The following PHF21A variants were observed in gnomAD, a reference collection of about 807,000 sequenced individuals.
The protein encoded by PHF21A is BHC80a.
In PHF21A, 11 loss-of-function variants were observed where a neutral mutation model predicts 82.5. The observed-to-expected ratio is 0.13, with a 90% CI of 0.08 to 0.22. PHF21A has a LOEUF of 0.22. Ranked by LOEUF, PHF21A falls within the 10% of genes least tolerant of loss-of-function variation. PHF21A has a pLI of 1.00. For missense variants in PHF21A, 579 were observed against 837.8 expected (o/e 0.69, Z 3.81); for synonymous variants, 297 against 302.8 (o/e 0.98, Z 0.20).
At chr11:46,083,546 T>G (rs1167732904) in intron 4 of PHF21A, 6 of 152,334 alleles carry the variant, frequency 3.9e-5, no homozygotes, top group Admixed American at 3.3e-4. Flanking sequence ...CTTTATCACT[T>G]TTGAGTACCA....
At chr11:45,937,947 G>C (rs1323228150) in intron 16 of PHF21A, among the ~76,000 whole-genome samples, 1 of 152,200 alleles carries the variant, frequency 6.6e-6, no homozygotes, top group Admixed American at 6.5e-5. Flanking sequence ...CAAATACAAG[G>C]AAGCATCTAT....
intron 6 of PHF21A, among the ~76,000 whole-genome samples, chr11:46,007,221 A>C (rs748404837): frequency 4.6e-5 from 7 of 152,196 alleles, no homozygotes; most frequent in Non-Finnish European, 8.8e-5. Flanking sequence ...AGATGAGAAA[A>C]GGGCCCCCTG....
At chr11:46,045,438 G>C (rs1024857786) in intron 6 of PHF21A, among the ~76,000 whole-genome samples, 16 of 152,140 alleles carry the variant, frequency 1.1e-4, no homozygotes, top group African/African-American at 3.9e-4. Context: ...GAACAGAGAG[G>C]TTGTCTGATC....
intron 1 of PHF21A, among the ~76,000 whole-genome samples, chr11:46,101,457 TGTTA>T (rs1272523280): frequency 6.6e-6 from 1 of 152,214 alleles, no homozygotes; most frequent in Admixed American, 6.5e-5. Context: ...TGCTGGTAAT[TGTTA>T]GTTAGGGAAT....
At chr11:46,074,763 A>T (rs185928547) in intron 6 of PHF21A, among the ~76,000 whole-genome samples, 1 of 152,324 alleles carries the variant, frequency 6.6e-6, no homozygotes, top group Non-Finnish European at 1.5e-5. Flanking sequence ...TTGGCCTCCC[A>T]AAGTGCTGGG....
intron 6 of PHF21A, among the ~76,000 whole-genome samples, chr11:46,025,672 T>C (rs1224177420): frequency 6.6e-6 from 1 of 152,214 alleles, no homozygotes; most frequent in Non-Finnish European, 1.5e-5. Flanking sequence ...AAAATTCCTA[T>C]ATACCTTTCA....
chr11:46,072,643 T>A (rs554764382), intron 6 of PHF21A, among the ~76,000 whole-genome samples: 1 of 152,310 alleles, frequency 6.6e-6, no homozygotes, highest in South Asian at 2.1e-4. Flanking sequence ...GAAGGAAAAG[T>A]ATGGTTCAAT....
At chr11:45,989,382 C>T (rs909773418) in intron 6 of PHF21A, among the ~76,000 whole-genome samples, 8 of 150,454 alleles carry the variant, frequency 5.3e-5, no homozygotes, top group African/African-American at 1.5e-4. Flanking sequence ...GGGCCAGACG[C>T]GGTGGCTCAT....
chr11:45,987,262 G>GTATA (rs1363747847), intron 6 of PHF21A, among the ~76,000 whole-genome samples: 2 of 151,382 alleles, frequency 1.3e-5, no homozygotes, highest in Non-Finnish European at 2.9e-5. Context: ...ATGTATGTAT[G>GTATA]TATGTATGTA....
At chr11:46,042,770 C>T (rs2096177026) in intron 6 of PHF21A, among the ~76,000 whole-genome samples, 1 of 151,984 alleles carries the variant, frequency 6.6e-6, no homozygotes, top group Non-Finnish European at 1.5e-5. Flanking sequence ...TGTTTTTCCC[C>T]TTCTGCCATA....
intron 6 of PHF21A, among the ~76,000 whole-genome samples, chr11:45,993,334 T>C (rs1039607692): frequency 6.6e-6 from 1 of 152,162 alleles, no homozygotes; most frequent in African/African-American, 2.4e-5. Flanking sequence ...TTTACGATTG[T>C]AAATTTTGAA....
chr11:45,983,769 G>A (rs1276983964), intron 6 of PHF21A, among the ~76,000 whole-genome samples: 1 of 152,154 alleles, frequency 6.6e-6, no homozygotes, highest in Non-Finnish European at 1.5e-5. Flanking sequence ...AATGACTTCA[G>A]AGGGACCCCG....
intron 6 of PHF21A, among the ~76,000 whole-genome samples, chr11:46,058,997 G>T (rs1178515624): frequency 6.6e-6 from 1 of 152,100 alleles, no homozygotes; most frequent in African/African-American, 2.4e-5. Context: ...CCCTAAAACT[G>T]CCCCAGGGTC....
At chr11:45,938,577 T>C (rs1308924170) in intron 15 of PHF21A, among the ~76,000 whole-genome samples, 1 of 152,118 alleles carries the variant, frequency 6.6e-6, no homozygotes, top group Non-Finnish European at 1.5e-5. Context: ...GAAACCTCCG[T>C]ACTGAACCCT....
At chr11:45,998,670 G>A (rs998098820) in intron 6 of PHF21A, among the ~76,000 whole-genome samples, 1 of 151,688 alleles carries the variant, frequency 6.6e-6, no homozygotes, top group Non-Finnish European at 1.5e-5. Flanking sequence ...GCGCCACCAT[G>A]CCCAGCTAAT....
At chr11:46,064,172 A>C (rs1369177668) in intron 6 of PHF21A, among the ~76,000 whole-genome samples, 1 of 152,212 alleles carries the variant, frequency 6.6e-6, no homozygotes. Flanking sequence ...AGATAAAAGC[A>C]GATGAGTAAT....
At chr11:46,064,300 A>G (rs2096569770) in intron 6 of PHF21A, among the ~76,000 whole-genome samples, 1 of 152,172 alleles carries the variant, frequency 6.6e-6, no homozygotes, top group Admixed American at 6.6e-5. Context: ...TTAAAAGGCG[A>G]TGGAGGTGCG....
chr11:46,111,624 T>C (rs1566054966), intron 1 of PHF21A, among the ~76,000 whole-genome samples: 1 of 152,216 alleles, frequency 6.6e-6, no homozygotes, highest in Non-Finnish European at 1.5e-5. Context: ...GGCACTGCCC[T>C]GCTTCTGCAT....
intron 4 of PHF21A, among the ~76,000 whole-genome samples, chr11:46,080,663 C>CT (rs1565892035): frequency 6.6e-6 from 1 of 151,778 alleles, no homozygotes; most frequent in Non-Finnish European, 1.5e-5. Context: ...TGCTACTATT[C>CT]TTTTTTTGTT....
Sources: allele counts gnomAD v4.1 joint callset (sites outside exome capture counted in the v4.1 genomes callset), GRCh38; gene constraint gnomAD v4.1.1; transcripts MANE v1.5; gene names NCBI Gene and HGNC (gene_info 2026-07-23, HGNC 2026-07-21).